The following SYN3 variants were observed in gnomAD, a reference collection of about 807,000 sequenced individuals.
SYN3 encodes synapsin-3.
SYN3 carries 35 observed loss-of-function variants against 65.8 expected under a neutral mutation model. That is an observed-to-expected ratio of 0.53 (90% CI 0.41 to 0.70). The LOEUF is 0.70. SYN3 is among the 30% of genes least tolerant of loss of function. The probability of loss-of-function intolerance (pLI) is 0.00; values close to 1 mark genes in which losing one functional copy is unlikely to be tolerated. For synonymous variants in SYN3, 270 were observed against 292.9 expected, an observed-to-expected ratio of 0.92 and a Z score of 0.80; for missense variants, 680 against 749.0, an observed-to-expected ratio of 0.91 and a Z score of 1.08.
chr22:32,970,735 T>A (rs1023527372), intron 3 of SYN3, among the ~76,000 whole-genome samples: 2 of 152,140 alleles, frequency 1.3e-5, no homozygotes, highest in African/African-American at 4.8e-5. Flanking sequence ...GAGGACTGTT[T>A]TGCTGGGAAA....
At chr22:32,811,241 A>C (rs996706575) in intron 6 of SYN3, among the ~76,000 whole-genome samples, 1 of 152,184 alleles carries the variant, frequency 6.6e-6, no homozygotes. Context: ...GGGGCCCCAA[A>C]AGTGGGGAGC....
chr22:32,624,729 G>T (rs989705010), intron 6 of SYN3, among the ~76,000 whole-genome samples: 9 of 152,220 alleles, frequency 5.9e-5, no homozygotes, highest in African/African-American at 1.7e-4. Context: ...CACATCTAAA[G>T]TTCCCAGGTC....
intron 4 of SYN3, among the ~76,000 whole-genome samples, chr22:32,912,146 TA>T (rs1450565924): frequency 7.9e-5 from 12 of 152,224 alleles, no homozygotes; most frequent in African/African-American, 2.9e-4. Context: ...GAGCTATACA[TA>T]TAGTTCCTCC....
chr22:32,836,770 A>G (rs1046567737), intron 6 of SYN3, among the ~76,000 whole-genome samples: 28 of 152,212 alleles, frequency 1.8e-4, no homozygotes, highest in Non-Finnish European at 4.4e-5. Context: ...TACAGAATGA[A>G]GCTTGTGGAA....
chr22:32,741,393 C>T (rs866910446), intron 6 of SYN3, among the ~76,000 whole-genome samples: 16 of 134,868 alleles, frequency 1.2e-4, no homozygotes, highest in Admixed American at 3.5e-4. Context: ...TCTTGCTCTG[C>T]CGCCCAGTCT....
At chr22:32,601,567 G>C (rs2059284580) in intron 6 of SYN3, among the ~76,000 whole-genome samples, 2 of 152,240 alleles carry the variant, frequency 1.3e-5, no homozygotes, top group South Asian at 4.1e-4. Context: ...GTGAGCCACT[G>C]CGCCCAGCCT....
chr22:32,532,472 G>T (rs1416350431), intron 10 of SYN3, among the ~76,000 whole-genome samples: 1 of 152,308 alleles, frequency 6.6e-6, no homozygotes, highest in Non-Finnish European at 1.5e-5. Flanking sequence ...GCGGCCAGAG[G>T]GAAGGCGTTT....
intron 6 of SYN3, among the ~76,000 whole-genome samples, chr22:32,648,148 G>A (rs1019953494): frequency 6.6e-6 from 1 of 152,036 alleles, no homozygotes; most frequent in Non-Finnish European, 1.5e-5. Context: ...TACAGGAGCC[G>A]CTACACCTGG....
intron 6 of SYN3, among the ~76,000 whole-genome samples, chr22:32,628,750 A>G (rs1207373625): frequency 6.6e-6 from 1 of 151,812 alleles, no homozygotes; most frequent in Non-Finnish European, 1.5e-5. Flanking sequence ...CTTCGTCTAA[A>G]AAAAAAAAAA....
At chr22:32,919,407 T>TC (rs2050275812) in intron 4 of SYN3, among the ~76,000 whole-genome samples, 1 of 152,210 alleles carries the variant, frequency 6.6e-6, no homozygotes, top group South Asian at 2.1e-4. Flanking sequence ...GGAGCTACTG[T>TC]CTATTTCATT....
chr22:32,914,806 T>C (rs2050147073), intron 4 of SYN3, among the ~76,000 whole-genome samples: 1 of 152,166 alleles, frequency 6.6e-6, no homozygotes, highest in Non-Finnish European at 1.5e-5. Flanking sequence ...TATCACATTA[T>C]ATGGCAAATA....
intron 6 of SYN3, among the ~76,000 whole-genome samples, chr22:32,606,182 GATCTGTT>G: frequency 6.6e-6 from 1 of 152,266 alleles, no homozygotes; most frequent in East Asian, 1.9e-4. Flanking sequence ...GTCAAAGGCT[GATCTGTT>G]ATTCCTTGGA....
chr22:32,960,078 G>A (rs968595677), intron 3 of SYN3, among the ~76,000 whole-genome samples: 1 of 152,218 alleles, frequency 6.6e-6, no homozygotes, highest in South Asian at 2.1e-4. Context: ...TTTGGAGTTA[G>A]ACAGGTATCA....
At chr22:32,792,004 G>A (rs566506367) in intron 6 of SYN3, among the ~76,000 whole-genome samples, 165 of 152,104 alleles carry the variant, frequency 1.1e-3, no homozygotes, top group Non-Finnish European at 2.1e-3. Flanking sequence ...CTACTTGAGG[G>A]CAGGGGCTGT....
chr22:32,622,785 G>A (rs751231053), intron 6 of SYN3, among the ~76,000 whole-genome samples: 5 of 151,354 alleles, frequency 3.3e-5, no homozygotes, highest in East Asian at 1.9e-4. Flanking sequence ...TTTGCAGGGA[G>A]AGGCTTCAAG....
intron 3 of SYN3, among the ~76,000 whole-genome samples, chr22:32,953,705 G>A (rs2051360003): frequency 6.6e-6 from 1 of 152,060 alleles, no homozygotes; most frequent in Non-Finnish European, 1.5e-5. Flanking sequence ...GTCACAGCAA[G>A]GGTTTAGGAT....
At chr22:32,529,214 T>G in intron 10 of SYN3, 2 of 565,174 alleles carry the variant, frequency 3.5e-6, no homozygotes, top group Non-Finnish European at 6.2e-6. Flanking sequence ...CTGGAGGTAG[T>G]TCAATTCGGC....
Position 32,789,368 on chromosome 22 carries a change from A to C in SYN3, c.711+75547T>G, listed in dbSNP as rs140842444. Among the ~76,000 whole-genome samples the C allele has an allele frequency of 8.4e-3, 1,284 of 152,226 alleles. 20 individuals are homozygous for C. Among genetic ancestry groups the C allele is most frequent in the African/African-American group, 0.029 (1,214 of 41,532 alleles). On this transcript the variant is annotated intron_variant, in intron 6 of 13. Coordinates refer to ENST00000358763, the MANE Select transcript of SYN3 (RefSeq NM_003490.4). ...GCAAAAAGCAGTTCCAGCCACCTTC[A>C]AGTGTTTTGGAAAGTTACCGATCAT...
chr22:32,871,221 C>T (rs1182920230), intron 4 of SYN3, among the ~76,000 whole-genome samples: 4 of 152,330 alleles, frequency 2.6e-5, no homozygotes, highest in Non-Finnish European at 2.9e-5. Flanking sequence ...AAACAAAAAA[C>T]ACCAAACCTG....
Sources: gnomAD v4.1 joint callset for allele counts (sites outside exome capture counted in the v4.1 genomes callset) on GRCh38, gnomAD v4.1.1 for gene constraint, MANE v1.5 for transcripts, NCBI Gene and HGNC (gene_info 2026-07-23, HGNC 2026-07-21) for gene names.